Variants in BLTP1 observed in about 807,000 individuals in gnomAD.
The protein encoded by BLTP1 is fragile site-associated protein.
chr4:122,249,459 G>A, the BLTP1 span: 1 of 1,605,636 alleles, frequency 6.2e-7, no homozygotes, highest in Non-Finnish European at 8.5e-7. Flanking sequence ...TTTAAAAATG[G>A]TCATTTTGCT....
chr4:122,190,973 CTG>C, the BLTP1 span, among the ~76,000 whole-genome samples: 1 of 152,090 alleles, frequency 6.6e-6, no homozygotes, highest in African/African-American at 2.4e-5. Flanking sequence ...GTGGGTAAAA[CTG>C]TTGTTGCTTT....
the BLTP1 span, among the ~76,000 whole-genome samples, chr4:122,223,403 G>T: frequency 6.6e-6 from 1 of 152,134 alleles, no homozygotes; most frequent in African/African-American, 2.4e-5. Flanking sequence ...TATGTTGAAG[G>T]CTCTGTGAAC....
the BLTP1 span, chr4:122,359,488 C>G: frequency 1.3e-6 from 2 of 1,533,914 alleles, no homozygotes; most frequent in Non-Finnish European, 1.8e-6. Flanking sequence ...AGAAATGAAA[C>G]CAATTCTGTT....
chr4:122,277,562 G>T, the BLTP1 span: 1 of 955,938 alleles, frequency 1.0e-6, no homozygotes, highest in Non-Finnish European at 1.2e-6. Context: ...AAGAGCAAAA[G>T]AAATCAAGAA....
chr4:122,260,002 G>A, the BLTP1 span: 1 of 684,244 alleles, frequency 1.5e-6, no homozygotes, highest in Non-Finnish European at 1.8e-6. Context: ...ATCACTTAAT[G>A]ACAGGGATGA....
chr4:122,153,066 A>G, the BLTP1 span: 2 of 979,032 alleles, frequency 2.0e-6, no homozygotes, highest in East Asian at 2.3e-4. Flanking sequence ...GCTGCACTGC[A>G]CTCTAGAAGA....
chr4:122,318,250 T>A, the BLTP1 span: 3 of 1,610,326 alleles, frequency 1.9e-6, no homozygotes, highest in Non-Finnish European at 2.5e-6. Context: ...TCGTAAAAAA[T>A]TACGGAGGTC....
chr4:122,238,398 A>C, the BLTP1 span: 1 of 1,504,088 alleles, frequency 6.6e-7, no homozygotes, highest in Non-Finnish European at 9.1e-7. Context: ...TAGGATTATA[A>C]TTGTTTAAAA....
At chr4:122,250,935 G>T in the BLTP1 span, 1 of 985,148 alleles carries the variant, frequency 1.0e-6, no homozygotes, top group Non-Finnish European at 1.2e-6. Flanking sequence ...AGTATTTTAT[G>T]TCAGTTCTAA....
At chr4:122,297,049 C>T in the BLTP1 span, among the ~76,000 whole-genome samples, 1 of 152,066 alleles carries the variant, frequency 6.6e-6, no homozygotes, top group Non-Finnish European at 1.5e-5. Context: ...GCAATTGCAA[C>T]AAAAGCAAAA....
At chr4:122,230,215 G>C in the BLTP1 span, 1 of 1,610,224 alleles carries the variant, frequency 6.2e-7, no homozygotes, top group Non-Finnish European at 8.5e-7. Flanking sequence ...CTAAGAGGTA[G>C]GTGAAAATGT....
At chr4:122,304,842 A>G in the BLTP1 span, 3 of 1,613,956 alleles carry the variant, frequency 1.9e-6, no homozygotes, top group East Asian at 6.7e-5. Flanking sequence ...GAGCTGTAAG[A>G]TTTGAAACTG....
the BLTP1 span, chr4:122,348,855 C>A: frequency 3.2e-6 from 2 of 623,522 alleles, no homozygotes; most frequent in Non-Finnish European, 5.3e-6. Context: ...AATGTTTTAT[C>A]CTGAAAATGG....
the BLTP1 span, chr4:122,325,584 T>C: frequency 8.7e-7 from 1 of 1,151,138 alleles, no homozygotes; most frequent in Non-Finnish European, 1.1e-6. Flanking sequence ...GAAAGGTTTT[T>C]GTTGAATAAT....
the BLTP1 span, chr4:122,316,650 T>C: frequency 1.3e-6 from 2 of 1,538,170 alleles, no homozygotes; most frequent in East Asian, 2.3e-5. Context: ...CATGCTTTGA[T>C]TTAAGGTGTT....
chr4:122,360,147 C>A, the BLTP1 span: 1 of 631,820 alleles, frequency 1.6e-6, no homozygotes, highest in Non-Finnish European at 2.0e-6. Context: ...GTATATATGT[C>A]ATAACACTGT....
At chr4:122,219,501 T>G in the BLTP1 span, 2 of 1,614,058 alleles carry the variant, frequency 1.2e-6, no homozygotes, top group Non-Finnish European at 1.7e-6. Context: ...TTCATCCACT[T>G]GCCTTGCGTC....
At chr4:122,194,794 A>T in the BLTP1 span, 34 of 579,918 alleles carry the variant, frequency 5.9e-5, no homozygotes, top group Non-Finnish European at 7.2e-5. Context: ...TAGAGAAATG[A>T]CAGTGAAGAT....
the BLTP1 span, chr4:122,185,142 A>AATTCCTGTAGG: frequency 1.0e-6 from 1 of 983,796 alleles, no homozygotes; most frequent in South Asian, 4.7e-5. Flanking sequence ...ATGAAGTTAT[A>AATTCCTGTAGG]AATTACAGTA....
Sources: gnomAD v4.1 joint callset for allele counts (sites outside exome capture counted in the v4.1 genomes callset) on GRCh38, gnomAD v4.1.1 for gene constraint, MANE v1.5 for transcripts, NCBI Gene and HGNC (gene_info 2026-07-23, HGNC 2026-07-21) for gene names.